Variants in MALAT1 observed in about 807,000 individuals in gnomAD.
The protein encoded by MALAT1 is metastasis associated lung adenocarcinoma transcript 1.
intron 3 of MALAT1, chr11:65,504,936 C>T (rs778872419): frequency 1.2e-5 from 6 of 518,696 alleles, no homozygotes; most frequent in South Asian, 8.4e-5. Flanking sequence ...GGATTGGGAA[C>T]CACTAGTTCT....
exon 3 of MALAT1, chr11:65,503,213 A>G (rs772958453): frequency 1.4e-5 from 7 of 513,550 alleles, no homozygotes; most frequent in Non-Finnish European, 2.7e-5. Context: ...TTGCATCTGC[A>G]GTATTGCATG....
exon 3 of MALAT1, chr11:65,501,711 C>T (rs1236899018): frequency 1.9e-6 from 1 of 518,992 alleles, no homozygotes; most frequent in Non-Finnish European, 3.8e-6. Flanking sequence ...CCAGTTGAAG[C>T]TGAAAAGTAC....
exon 3 of MALAT1, chr11:65,502,179 T>C (rs550967739): frequency 2.1e-4 from 107 of 517,716 alleles, no homozygotes; most frequent in South Asian, 1.5e-3. Flanking sequence ...AAGGAAAGTA[T>C]TGAACTGGGG....
rs749464304 is a variant in MALAT1 at position 65,498,221 on chromosome 11, T to TG, written n.178+358dup. The stretch of plus-strand genomic sequence containing the variant: ...TCGGAGACAAAGCCATTCGCTTAGT[T>TG]GGTCTACTTTAAAAGGCCACTTGAA... On this transcript the variant is annotated intron_variant and non_coding_transcript_variant, in intron 1 of 3. Coordinates refer to ENST00000619449, the Ensembl canonical transcript of MALAT1. 6 of 518,788 alleles carry TG rather than the reference T, an allele frequency of 1.2e-5. No individual in the cohort carries two copies. In the East Asian group the frequency reaches 3.3e-4, roughly 28 times the overall value. 32.1% of individuals were successfully genotyped at this position (518,788 alleles called of 1,614,324 possible). A position where few individuals can be genotyped will look rare whatever the true frequency, so the allele number is the denominator to read the frequency against.
chr11:65,504,370 C>A (rs1328052320), intron 3 of MALAT1: 1 of 517,158 alleles, frequency 1.9e-6, no homozygotes, highest in East Asian at 5.5e-5. Flanking sequence ...TCTGTCTGTT[C>A]TGTTGGCAAG....
At chr11:65,505,613 G>T (rs1457681739) in intron 3 of MALAT1, 1 of 519,006 alleles carries the variant, frequency 1.9e-6, no homozygotes, top group South Asian at 1.4e-5. Context: ...TCACCTCGAT[G>T]CAGCCAGTAG....
chr11:65,501,260 C>G (rs367741529), exon 3 of MALAT1: 22 of 514,828 alleles, frequency 4.3e-5, no homozygotes, highest in Admixed American at 7.9e-5. Context: ...AATATGTTTT[C>G]AGTTCTTTTT....
At chr11:65,499,028 C>T (rs1475170251) in exon 3 of MALAT1, 3 of 518,698 alleles carry the variant, frequency 5.8e-6, no homozygotes, top group Admixed American at 1.9e-5. Context: ...AAATACGCCT[C>T]GCCCGAGCTG....
chr11:65,504,607 TTTG>T (rs1854634781), intron 3 of MALAT1: 4 of 518,830 alleles, frequency 7.7e-6, no homozygotes, highest in South Asian at 4.2e-5. Context: ...TAAAATGCTT[TTTG>T]TTCATTTCTG....
exon 3 of MALAT1, chr11:65,500,696 G>A (rs894588068): frequency 3.9e-6 from 2 of 518,898 alleles, no homozygotes; most frequent in African/African-American, 3.9e-5. Flanking sequence ...AGGCGAGCAG[G>A]CGTTGTGCGT....
At chr11:65,503,107 T>C (rs1381618182) in exon 3 of MALAT1, 2 of 509,018 alleles carry the variant, frequency 3.9e-6, no homozygotes, top group East Asian at 5.5e-5. Flanking sequence ...CAATGTTTCG[T>C]TTGCCTCAGA....
exon 3 of MALAT1, chr11:65,503,699 C>G (rs758982959): frequency 3.9e-6 from 2 of 517,706 alleles, no homozygotes; most frequent in Admixed American, 1.9e-5. Context: ...TTGGGGCAAT[C>G]TTGGGGGGGA....
chr11:65,498,637 G>C (rs1854458501), intron 1 of MALAT1: 1 of 518,634 alleles, frequency 1.9e-6, no homozygotes, highest in South Asian at 1.4e-5. Flanking sequence ...TTGCGTAATG[G>C]AAAGTAAAGC....
rs774126624 is a variant in MALAT1 at position 65,504,338 on chromosome 11, A to G, written n.5168+433A>G. ...TTTTTTTTTACAGACTTCACAGAGAATGCAGTTGTCTTGACTTCAGGTCTG... is the reference window on the plus strand; with the variant it reads ...TTTTTTTTTACAGACTTCACAGAGAGTGCAGTTGTCTTGACTTCAGGTCTG... On this transcript the variant is annotated intron_variant and non_coding_transcript_variant, in intron 3 of 3. Coordinates refer to ENST00000619449, the Ensembl canonical transcript of MALAT1. The G allele has an allele frequency of 7.8e-6, 4 of 515,160 alleles. No homozygotes were observed. The East Asian group carries it at 2.2e-4, about 28-fold the overall frequency. 31.9% of individuals were successfully genotyped at this position (515,160 alleles called of 1,614,324 possible).
chr11:65,501,925 T>G, exon 3 of MALAT1: 1 of 517,812 alleles, frequency 1.9e-6, no homozygotes, highest in Non-Finnish European at 3.9e-6. Context: ...TTGTTTAGTT[T>G]ATGATTGCAG....
exon 3 of MALAT1, chr11:65,499,027 T>C (rs936434730): frequency 1.9e-6 from 1 of 518,676 alleles, no homozygotes; most frequent in South Asian, 1.4e-5. Context: ...TAAATACGCC[T>C]CGCCCGAGCT....
At chr11:65,505,569 C>T (rs761166979) in intron 3 of MALAT1, 18 of 516,068 alleles carry the variant, frequency 3.5e-5, no homozygotes, top group Non-Finnish European at 5.0e-5. Context: ...ATCGCCACCC[C>T]GTGCCTTTTG....
At chr11:65,502,684 G>A (rs996079829) in exon 3 of MALAT1, 1 of 496,624 alleles carries the variant, frequency 2.0e-6, no homozygotes, top group South Asian at 1.5e-5. Flanking sequence ...CTGGCAGTAT[G>A]ATGGCCTAGA....
exon 3 of MALAT1, chr11:65,502,580 C>T (rs779609077): frequency 4.2e-6 from 2 of 479,622 alleles, no homozygotes; most frequent in South Asian, 1.6e-5. Context: ...GCTTGAATGT[C>T]TCTTAGAGGG....
Sources: gnomAD v4.1 joint callset for allele counts on GRCh38, gnomAD v4.1.1 for gene constraint, MANE v1.5 for transcripts, NCBI Gene and HGNC (gene_info 2026-07-23, HGNC 2026-07-21) for gene names.